Variants in TIAM2 observed in about 807,000 individuals in gnomAD.
The protein encoded by TIAM2 is TIAM Rac1 associated GEF 2, also known as rho guanine nucleotide exchange factor TIAM2.
In TIAM2, 80 loss-of-function variants were observed where a neutral mutation model predicts 152.9. The observed-to-expected ratio is 0.52, with a 90% CI of 0.44 to 0.63. The LOEUF (loss-of-function observed/expected upper bound fraction) is 0.63. TIAM2 is among the 30% of genes least tolerant of loss of function. TIAM2 has a pLI of 0.00. For missense variants in TIAM2, 1,965 were observed against 2,120.1 expected, an observed-to-expected ratio of 0.93 and a Z score of 1.44; for synonymous variants, 804 against 838.0, an observed-to-expected ratio of 0.96 and a Z score of 0.70.
intron 12 of TIAM2, among the ~76,000 whole-genome samples, chr6:155,181,684 C>T (rs1273294905): frequency 1.3e-5 from 2 of 152,142 alleles, no homozygotes; most frequent in Non-Finnish European, 2.9e-5. Context: ...TTGTATCTCT[C>T]GGAATTCCCC....
At chr6:155,245,815 A>G in intron 19 of TIAM2, 84 bp downstream of exon 19, 1 of 931,428 alleles carries the variant, frequency 1.1e-6, no homozygotes, top group Non-Finnish European at 1.6e-6. Context: ...TTTAACAAGT[A>G]GAGAGTAAGT....
At chr6:155,087,079 G>A (rs1031846923) in intron 1 of TIAM2, among the ~76,000 whole-genome samples, 1 of 152,150 alleles carries the variant, frequency 6.6e-6, no homozygotes, top group African/African-American at 2.4e-5. Flanking sequence ...TGAGGTTCGG[G>A]GTATGATGGT....
At chr6:155,212,102 T>G (rs1781736553) in intron 15 of TIAM2, among the ~76,000 whole-genome samples, 1 of 152,238 alleles carries the variant, frequency 6.6e-6, no homozygotes, top group Non-Finnish European at 1.5e-5. Context: ...CACATTTTGT[T>G]TATTCATTCA....
Position 155,171,187 on chromosome 6 carries a change from T to C in TIAM2, c.2362-5629T>C, listed in dbSNP as rs1283699179. ...CTATTTCACTCTAATTGATGCATCA[T>C]ATAACAGCCCAACAGTGAGTCACCC... On this transcript the variant is annotated intron_variant, in intron 9 of 26. Transcript: ENST00000682666. 2.6e-5 allele frequency among the ~76,000 whole-genome samples: 4 copies of C among 152,232 alleles called. No individual in the cohort carries two copies. The South Asian group carries it at 8.3e-4, about 31-fold the overall frequency.
At chr6:155,249,619 T>C (rs149726921) in intron 20 of TIAM2, among the ~76,000 whole-genome samples, 209 of 152,368 alleles carry the variant, frequency 1.4e-3, no homozygotes, top group African/African-American at 4.7e-3. Context: ...TACTTTTCAC[T>C]GATACTCTGT....
In TIAM2 at chr6:155,129,140, C is replaced by T; in HGVS notation, c.-6-78C>T. On this transcript the variant is annotated intron_variant, in intron 3 of 26. Coordinates refer to ENST00000682666, the MANE Select transcript of TIAM2 (RefSeq NM_012454.4). This position sits in a 1 kb window ranked among gnomAD's most constrained non-coding sequence, Gnocchi z 4.8. ...TGAAGTTGCTGTGTAATATGCAGGG[C>T]ATTCTTTTTAGAAAGTTCTGTCATA... The T allele has an allele frequency of 7.5e-7, 1 of 1,340,670 alleles. No homozygotes were observed. The highest frequency in any genetic ancestry group is 1.0e-6 in the Non-Finnish European group (1 of 968,956). The allele number at this position is 1,340,670 out of a possible 1,614,324, so 83.0% of individuals were successfully genotyped here.
At chr6:155,212,507 C>T (rs1437317310) in intron 15 of TIAM2, among the ~76,000 whole-genome samples, 1 of 152,020 alleles carries the variant, frequency 6.6e-6, no homozygotes, top group Non-Finnish European at 1.5e-5. Context: ...GTCTTAAATA[C>T]AAAATAAGAA....
At chr6:155,190,346 A>G (rs1781166835) in intron 14 of TIAM2, among the ~76,000 whole-genome samples, 1 of 152,192 alleles carries the variant, frequency 6.6e-6, no homozygotes, top group South Asian at 2.1e-4. Context: ...GAAAGAGTGA[A>G]TAAAGGAACC....
intron 1 of TIAM2, among the ~76,000 whole-genome samples, chr6:155,037,777 G>A (rs901068299): frequency 4.6e-5 from 7 of 152,072 alleles, no homozygotes; most frequent in African/African-American, 1.2e-4. Flanking sequence ...TGATCTGCCC[G>A]CCTCCACCTC....
chr6:155,116,955 C>T (rs549759745), intron 2 of TIAM2, among the ~76,000 whole-genome samples: 9 of 151,018 alleles, frequency 6.0e-5, no homozygotes, highest in African/African-American at 1.2e-4. Flanking sequence ...AACAGGACCA[C>T]GAAGTTTATA....
chr6:155,255,563 A>G (rs1783946342), intron 26 of TIAM2: 1 of 152,180 alleles, frequency 6.6e-6, no homozygotes, highest in Non-Finnish European at 1.5e-5. Context: ...ATTACTTTGT[A>G]GAAACACCAA....
intron 15 of TIAM2, among the ~76,000 whole-genome samples, chr6:155,234,989 C>CGGAGCACAGCTAGAGAT (rs71780307): frequency 3.3e-5 from 5 of 151,544 alleles, no homozygotes; most frequent in Non-Finnish European, 5.9e-5. Context: ...GAGCTAGAGA[C>CGGAGCACAGCTAGAGAT]GGAGCACAGC....
intron 1 of TIAM2, among the ~76,000 whole-genome samples, chr6:155,060,359 G>A (rs1053293268): frequency 4.6e-5 from 7 of 152,244 alleles, no homozygotes; most frequent in South Asian, 2.1e-4. Context: ...CCGAGATCAC[G>A]CCATTGCACT....
chr6:155,244,666 A>C lies in TIAM2; in HGVS notation c.3426A>C (p.Ser1142=). 1 of 1,613,960 alleles carries C rather than the reference A, an allele frequency of 6.2e-7. No homozygotes were observed. The highest frequency in any genetic ancestry group is 8.5e-7 in the Non-Finnish European group (1 of 1,179,942). Residue 1142 remains serine, a synonymous_variant, in exon 18 of 27, where the codon TCA becomes TCC. Coordinates refer to ENST00000682666, the MANE Select transcript of TIAM2 (RefSeq NM_012454.4). ...ETFLTQDEME[S]LFGSLPEMLE... The stretch of plus-strand genomic sequence containing the variant: ...TCCTGATCTTCACATAGATGGAGTC[A>C]CTTTTTGGAAGTTTGCCAGAGATGC...
chr6:155,180,245 C>T (rs1367359040), intron 12 of TIAM2, among the ~76,000 whole-genome samples: 1 of 152,172 alleles, frequency 6.6e-6, no homozygotes, highest in African/African-American at 2.4e-5. Context: ...AAGATTGCAC[C>T]ACTGTACTCT....
intron 2 of TIAM2, among the ~76,000 whole-genome samples, chr6:155,113,245 C>T (rs953360608): frequency 2.0e-5 from 3 of 152,066 alleles, no homozygotes; most frequent in Admixed American, 6.5e-5. Flanking sequence ...CCCCTGCCCA[C>T]GGTGCCCTTT....
chr6:155,238,685 G>A (rs993300486), intron 15 of TIAM2, among the ~76,000 whole-genome samples: 8 of 152,162 alleles, frequency 5.3e-5, no homozygotes, highest in Admixed American at 1.3e-4. Flanking sequence ...CTGGACAACC[G>A]ATTCTAAAAT....
At position 155,256,629 on chromosome 6, in the gene TIAM2, G is replaced by T; in HGVS notation, c.4614G>T (p.Arg1538Ser). Residue 1538 changes from arginine (R) to serine (S), a missense_variant, in exon 27 of 27, where the codon AGG (arginine) becomes AGT (serine). Arg to Ser is a moderately radical substitution (Grantham distance 110). Transcript: ENST00000682666. ...QSSGCPTAEG[R>S]QDSKSTSPGK... ...GCGGCTGCCCCACGGCTGAGGGCAG[G>T]CAGGACTCCAAGAGCACTTCTCCCG... 1 of 1,614,134 alleles carries T rather than the reference G, an allele frequency of 6.2e-7. No homozygotes were observed. Among genetic ancestry groups the T allele is most frequent in the South Asian group, 1.1e-5 (1 of 91,082 alleles).
chr6:155,248,257 A>G, intron 20 of TIAM2, 78 bp downstream of exon 20: 6 of 1,486,658 alleles, frequency 4.0e-6, no homozygotes, highest in Non-Finnish European at 5.4e-6. Flanking sequence ...TGGGCCTGAC[A>G]GCTCACCTCT....
Sources: gnomAD v4.1 joint callset for allele counts (sites outside exome capture counted in the v4.1 genomes callset) on GRCh38, gnomAD v4.1.1 for gene constraint, Gnocchi (gnomAD v3.1) non-coding constraint, MANE v1.5 for transcripts, NCBI Gene and HGNC (gene_info 2026-07-23, HGNC 2026-07-21) for gene names.